Variants in TCF12 observed in about 807,000 individuals in gnomAD.
The protein encoded by TCF12 is DNA-binding protein HTF4.
TCF12 carries 45 observed loss-of-function variants against 86.0 expected under a neutral mutation model. The observed-to-expected ratio is 0.52, with a 90% CI of 0.41 to 0.67. The LOEUF is 0.67. Among genes scored for constraint, TCF12 ranks in the 30% least tolerant of loss-of-function variants. The pLI is 0.00. For synonymous variants in TCF12, 330 were observed against 299.6 expected, an observed-to-expected ratio of 1.10 and a Z score of -1.05; for missense variants, 881 against 859.9, an observed-to-expected ratio of 1.02 and a Z score of -0.31.
intron 3 of TCF12, among the ~76,000 whole-genome samples, chr15:57,041,794 G>A (rs1219961769): frequency 6.6e-6 from 1 of 152,084 alleles, no homozygotes; most frequent in African/African-American, 2.4e-5. Context: ...GAAATTTATA[G>A]TAGCCACTTA....
At chr15:57,095,054 A>G (rs1596499437) in intron 5 of TCF12, among the ~76,000 whole-genome samples, 1 of 152,234 alleles carries the variant, frequency 6.6e-6, no homozygotes, top group East Asian at 1.9e-4. Context: ...TGAATCAGTT[A>G]ATGTTTCTTT....
At chr15:57,199,523 T>C (rs2057431756) in intron 8 of TCF12, among the ~76,000 whole-genome samples, 1 of 152,216 alleles carries the variant, frequency 6.6e-6, no homozygotes, top group East Asian at 1.9e-4. Context: ...CAGTGTTCCA[T>C]AGTTCTTTGA....
At chr15:57,263,308 C>G in intron 18 of TCF12, 34 bp downstream of exon 18, 1 of 1,587,588 alleles carries the variant, frequency 6.3e-7, no homozygotes, top group East Asian at 2.2e-5. Context: ...AAATTTTATT[C>G]ATTTTCCATA....
rs1202652621 is a variant in TCF12, at chr15:57,234,099, T to C, written c.1027T>C (p.Leu343=). ...GACAGGTGATGCACTTGGAAAGGCTTTGGCATCTGTGAGTATTGATTTTAC... is the reference window on the plus strand; with the variant it reads ...GACAGGTGATGCACTTGGAAAGGCTCTGGCATCTGTGAGTATTGATTTTAC... ...SQTGDALGKA[L]ASIYSPDHTS... is the part of the protein sequence containing the mutation. The change falls in exon 12 of 21, where the codon TTG becomes CTG. Residue 343 remains leucine, a synonymous_variant. Transcript: ENST00000333725. 6.2e-7 allele frequency: 1 copy of C among 1,613,272 alleles called. No homozygotes were observed. Among genetic ancestry groups the C allele is most frequent in the South Asian group, 1.1e-5 (1 of 91,070 alleles).
chr15:57,125,993 G>A (rs772346832), intron 5 of TCF12, among the ~76,000 whole-genome samples: 4 of 152,142 alleles, frequency 2.6e-5, no homozygotes, highest in Admixed American at 1.3e-4. Context: ...CACTTTGGGA[G>A]GCCAAGACAG....
rs2049008058 is a variant in TCF12, at chr15:57,091,787, A to G, written c.223-2A>G. On this transcript the variant is annotated splice_acceptor_variant, in intron 4 of 20. Transcript: ENST00000333725. LOFTEE classifies it high-confidence loss of function. ...AATACTCTGATCTTTTTCTCCCCCT[A>G]GGGTTTTACAGACAGCCCTCATTAC... The G allele has an allele frequency of 3.1e-6, 5 of 1,612,412 alleles. No individual in the cohort carries two copies. The highest frequency in any genetic ancestry group is 4.2e-6 in the Non-Finnish European group (5 of 1,178,652).
At chr15:56,925,557 C>G (rs2059975693) in intron 3 of TCF12, among the ~76,000 whole-genome samples, 1 of 152,100 alleles carries the variant, frequency 6.6e-6, no homozygotes, top group Non-Finnish European at 1.5e-5. Context: ...CTTATTAAAG[C>G]CATATAGTCT....
chr15:57,024,209 A>ATTT (rs2065674837), intron 3 of TCF12, among the ~76,000 whole-genome samples: 1 of 142,794 alleles, frequency 7.0e-6, no homozygotes, highest in Non-Finnish European at 1.5e-5. Flanking sequence ...CATACTCAAA[A>ATTT]AAGTGTCTTT....
At chr15:56,958,835 A>G (rs2061616312) in intron 3 of TCF12, among the ~76,000 whole-genome samples, 3 of 152,100 alleles carry the variant, frequency 2.0e-5, no homozygotes, top group Admixed American at 6.5e-5. Context: ...AGCCTGGGTA[A>G]TATAGTGAGA....
chr15:56,926,317 A>AG (rs2140223414), intron 3 of TCF12, among the ~76,000 whole-genome samples: 1 of 152,118 alleles, frequency 6.6e-6, no homozygotes, highest in East Asian at 1.9e-4. Context: ...TGTCTCAAAA[A>AG]AAAAAAAACA....
intron 6 of TCF12, among the ~76,000 whole-genome samples, chr15:57,180,472 G>A (rs2056257608): frequency 2.0e-5 from 3 of 152,214 alleles, no homozygotes; most frequent in Middle Eastern, 3.4e-3. Flanking sequence ...AAGAATCTGC[G>A]AAATCATAAC....
At chr15:57,228,248 C>T (rs2058976885) in intron 8 of TCF12, among the ~76,000 whole-genome samples, 1 of 152,050 alleles carries the variant, frequency 6.6e-6, no homozygotes, top group South Asian at 2.1e-4. Flanking sequence ...CATAACATTG[C>T]ATCTATGTTT....
chr15:57,289,759 A>T lies in TCF12; in HGVS notation c.*3614A>T, dbSNP rs1383179123. ...TAACATTAGAATTGTGTAAGTATTG[A>T]ATGAAACAATGTATGGAAAGCTCTT... On this transcript the variant is annotated 3_prime_UTR_variant, in exon 21 of 21. Coordinates refer to ENST00000333725, the MANE Select transcript of TCF12 (RefSeq NM_207037.2). 2.6e-5 allele frequency: 4 copies of T among 152,188 alleles called. No individual in the cohort carries two copies. Among genetic ancestry groups the T allele is most frequent in the African/African-American group, 9.6e-5 (4 of 41,458 alleles). 9.4% of individuals were successfully genotyped at this position (152,188 alleles called of 1,614,324 possible).
chr15:57,165,163 T>TGTGTGTGC (rs59380805), intron 5 of TCF12, among the ~76,000 whole-genome samples: 70 of 149,392 alleles, frequency 4.7e-4, no homozygotes, highest in Non-Finnish European at 3.7e-4. Context: ...TGTGTGTGTG[T>TGTGTGTGC]GCGTACACGA....
chr15:57,219,589 C>T (rs1409691464), intron 8 of TCF12: 8 of 1,612,148 alleles, frequency 5.0e-6, no homozygotes, highest in East Asian at 2.2e-5. Flanking sequence ...AATGGGAAAA[C>T]GGTAAGCCTT....
Position 56,934,128 on chromosome 15 carries a change from C to T in TCF12, c.148+13030C>T, listed in dbSNP as rs146169438. ...GGATTCTGTTAATTGTATTCCAAACCATAGAGCCCCCATATTAGTGCCCTT... is the reference window on the plus strand; with the variant it reads ...GGATTCTGTTAATTGTATTCCAAACTATAGAGCCCCCATATTAGTGCCCTT... On this transcript the variant is annotated intron_variant, in intron 3 of 20. Coordinates refer to ENST00000333725, the MANE Select transcript of TCF12 (RefSeq NM_207037.2). 2.6e-4 allele frequency among the ~76,000 whole-genome samples: 40 copies of T among 152,116 alleles called. No homozygotes were observed. In the East Asian group the frequency reaches 7.4e-3, roughly 28 times the overall value.
At chr15:57,263,342 G>T (rs140444132) in intron 18 of TCF12, 68 bp downstream of exon 18, 1 of 1,500,852 alleles carries the variant, frequency 6.7e-7, no homozygotes, top group East Asian at 2.3e-5. Flanking sequence ...GAGAAGCTGG[G>T]TGTCATGCAT....
chr15:57,154,226 A>G (rs1283594767), intron 5 of TCF12, among the ~76,000 whole-genome samples: 3 of 152,172 alleles, frequency 2.0e-5, no homozygotes, highest in Non-Finnish European at 4.4e-5. Context: ...TTTTAAGAAT[A>G]GGGTCTTCGC....
chr15:57,048,808 A>G (rs984584509), intron 3 of TCF12, among the ~76,000 whole-genome samples: 1 of 152,230 alleles, frequency 6.6e-6, no homozygotes, highest in Non-Finnish European at 1.5e-5. Flanking sequence ...ATATGGTGAA[A>G]TAAGTGTATC....
Sources: gnomAD v4.1 joint callset for allele counts (sites outside exome capture counted in the v4.1 genomes callset) on GRCh38, gnomAD v4.1.1 for gene constraint, MANE v1.5 for transcripts, NCBI Gene and HGNC (gene_info 2026-07-23, HGNC 2026-07-21) for gene names.